The following SLC24A2 variants were observed in gnomAD, a reference collection of about 807,000 sequenced individuals.
SLC24A2 encodes solute carrier family 24 member 2.
Under a neutral mutation model 62.0 loss-of-function variants are expected in SLC24A2, and 36 were observed. The observed-to-expected ratio is 0.58, with a 90% CI of 0.44 to 0.77. The LOEUF is 0.77. Among genes scored for constraint, SLC24A2 ranks in the 30% least tolerant of loss-of-function variants. The probability of loss-of-function intolerance (pLI) is 0.00; values close to 1 mark genes in which losing one functional copy is unlikely to be tolerated. For missense variants in SLC24A2, 846 were observed against 817.9 expected (o/e 1.03, Z -0.42); for synonymous variants, 358 against 294.0 (o/e 1.22, Z -2.23).
chr9:20,261,733 CTT>C, the SLC24A2 span, among the ~76,000 whole-genome samples: 2 of 75,280 alleles, frequency 2.7e-5, no homozygotes, highest in African/African-American at 1.1e-4. Flanking sequence ...AACACCAAAT[CTT>C]TTTTTTTTTT....
At chr9:19,679,629 G>A (rs1490377996) in intron 2 of SLC24A2, among the ~76,000 whole-genome samples, 1 of 152,106 alleles carries the variant, frequency 6.6e-6, no homozygotes, top group African/African-American at 2.4e-5. Context: ...AAAGGTAGAG[G>A]AAGCACAAAT....
chr9:20,219,010 G>A, the SLC24A2 span, among the ~76,000 whole-genome samples: 4 of 152,272 alleles, frequency 2.6e-5, no homozygotes, highest in African/African-American at 9.6e-5. Flanking sequence ...GAGAGTCAGA[G>A]GATTGAGAAA....
intron 2 of SLC24A2, among the ~76,000 whole-genome samples, chr9:19,643,445 T>C (rs552560004): frequency 6.6e-6 from 1 of 152,338 alleles, no homozygotes; most frequent in South Asian, 2.1e-4. Flanking sequence ...TTGATGGAAA[T>C]GTACCTAAAA....
the SLC24A2 span, among the ~76,000 whole-genome samples, chr9:19,840,065 A>G: frequency 1.3e-5 from 2 of 152,226 alleles, no homozygotes; most frequent in Non-Finnish European, 2.9e-5. Flanking sequence ...ATGACTGTGT[A>G]TCATTTTCAG....
At chr9:20,126,234 G>A in the SLC24A2 span, among the ~76,000 whole-genome samples, 1 of 152,010 alleles carries the variant, frequency 6.6e-6, no homozygotes, top group Non-Finnish European at 1.5e-5. Flanking sequence ...TCTTTCTTTG[G>A]TTTCAATTTG....
chr9:20,233,978 A>G, the SLC24A2 span, among the ~76,000 whole-genome samples: 1 of 152,032 alleles, frequency 6.6e-6, no homozygotes, highest in South Asian at 2.1e-4. Flanking sequence ...TTTCTCCTTC[A>G]CTTACGAAGC....
intron 2 of SLC24A2, among the ~76,000 whole-genome samples, chr9:19,639,527 G>T (rs993861509): frequency 1.3e-5 from 2 of 152,220 alleles, no homozygotes; most frequent in Admixed American, 6.5e-5. Context: ...GCCATCATCT[G>T]GTCAGAGGAC....
the SLC24A2 span, among the ~76,000 whole-genome samples, chr9:20,069,828 T>A: frequency 6.6e-6 from 1 of 152,362 alleles, no homozygotes; most frequent in Middle Eastern, 3.4e-3. Context: ...AATGATTATT[T>A]ACTTATCTGT....
chr9:19,688,766 T>C (rs1275045751), intron 2 of SLC24A2, among the ~76,000 whole-genome samples: 3 of 152,126 alleles, frequency 2.0e-5, no homozygotes, highest in Non-Finnish European at 2.9e-5. Flanking sequence ...CCAACATACA[T>C]GTCTTTCCCT....
At chr9:19,699,123 G>T (rs906332212) in intron 2 of SLC24A2, among the ~76,000 whole-genome samples, 1 of 152,132 alleles carries the variant, frequency 6.6e-6, no homozygotes, top group Admixed American at 6.5e-5. Flanking sequence ...CAGACTCGGG[G>T]GTTCTGGCAA....
At chr9:19,767,405 T>C (rs756131689) in intron 2 of SLC24A2, among the ~76,000 whole-genome samples, 12 of 152,326 alleles carry the variant, frequency 7.9e-5, no homozygotes, top group Admixed American at 2.0e-4. Flanking sequence ...TACAATTTTG[T>C]GCTTGAAACC....
At chr9:19,664,293 G>A (rs1819186130) in intron 2 of SLC24A2, among the ~76,000 whole-genome samples, 1 of 152,200 alleles carries the variant, frequency 6.6e-6, no homozygotes, top group South Asian at 2.1e-4. Context: ...TAAATGGTAA[G>A]TTTCATTGGT....
the SLC24A2 span, among the ~76,000 whole-genome samples, chr9:19,822,190 C>T: frequency 1.3e-5 from 2 of 152,072 alleles, no homozygotes; most frequent in Non-Finnish European, 2.9e-5. Flanking sequence ...GTTGTATTTA[C>T]ATGTTATTAA....
At chr9:19,912,907 C>A in the SLC24A2 span, among the ~76,000 whole-genome samples, 1 of 152,260 alleles carries the variant, frequency 6.6e-6, no homozygotes, top group Admixed American at 6.5e-5. Context: ...TTTCCCTCAA[C>A]TTACAGGCTT....
At chr9:19,965,902 A>G in the SLC24A2 span, among the ~76,000 whole-genome samples, 1 of 152,188 alleles carries the variant, frequency 6.6e-6, no homozygotes, top group African/African-American at 2.4e-5. Flanking sequence ...GAGTAAAGAC[A>G]TATTTCACCC....
At chr9:20,278,564 T>C in the SLC24A2 span, among the ~76,000 whole-genome samples, 18 of 152,310 alleles carry the variant, frequency 1.2e-4, no homozygotes, top group Middle Eastern at 3.4e-3. Flanking sequence ...TCCCAACATG[T>C]TCCTCATCTC....
chr9:20,227,637 T>G, the SLC24A2 span, among the ~76,000 whole-genome samples: 1 of 152,012 alleles, frequency 6.6e-6, no homozygotes, highest in African/African-American at 2.4e-5. Flanking sequence ...ATAGTGTCTC[T>G]TCTGCCCTTC....
chr9:20,194,560 G>A, the SLC24A2 span, among the ~76,000 whole-genome samples: 3 of 152,120 alleles, frequency 2.0e-5, no homozygotes, highest in Non-Finnish European at 4.4e-5. Context: ...GGTTTAGAAT[G>A]TGAAAAGAAA....
the SLC24A2 span, among the ~76,000 whole-genome samples, chr9:20,209,011 T>C: frequency 6.6e-6 from 1 of 152,326 alleles, no homozygotes; most frequent in South Asian, 2.1e-4. Flanking sequence ...CCAGTTAACT[T>C]ATTTACCTTG....
Sources: allele counts gnomAD v4.1 joint callset (sites outside exome capture counted in the v4.1 genomes callset), GRCh38; gene constraint gnomAD v4.1.1; transcripts MANE v1.5; gene names NCBI Gene and HGNC (gene_info 2026-07-23, HGNC 2026-07-21).